Variants in SND1 observed in about 807,000 individuals in gnomAD.
SND1 encodes the protein staphylococcal nuclease domain-containing protein 1.
SND1 carries 38 observed loss-of-function variants against 121.7 expected under a neutral mutation model. That is an observed-to-expected ratio of 0.31 (90% confidence interval 0.24 to 0.41). The LOEUF is 0.41. Ranked by LOEUF, SND1 falls within the 10% of genes least tolerant of loss-of-function variation. The pLI is 1.00. For synonymous variants in SND1, 401 were observed against 447.4 expected, an observed-to-expected ratio of 0.90 and a Z score of 1.31; for missense variants, 868 against 1,184.6, an observed-to-expected ratio of 0.73 and a Z score of 3.92.
At chr7:127,871,357 A>C (rs1430334657) in intron 12 of SND1, among the ~76,000 whole-genome samples, 1 of 152,210 alleles carries the variant, frequency 6.6e-6, no homozygotes, top group South Asian at 2.1e-4. Flanking sequence ...TGTATGTGCT[A>C]TACATTTATA....
intron 15 of SND1, among the ~76,000 whole-genome samples, chr7:127,935,458 T>A (rs1206886183): frequency 2.6e-5 from 4 of 152,018 alleles, no homozygotes; most frequent in Admixed American, 2.6e-4. Flanking sequence ...TGAGAGATTA[T>A]CCTGGGGAAC....
At chr7:128,023,877 A>T (rs2116968482) in intron 16 of SND1, among the ~76,000 whole-genome samples, 1 of 152,184 alleles carries the variant, frequency 6.6e-6, no homozygotes, top group East Asian at 1.9e-4. Context: ...ATATATAATT[A>T]TATATGTAAA....
intron 15 of SND1, among the ~76,000 whole-genome samples, chr7:127,970,224 C>T (rs1314722276): frequency 6.6e-6 from 1 of 152,154 alleles, no homozygotes. Context: ...TTGGATAAAT[C>T]AGGTAACCTA....
At chr7:127,727,519 G>A (rs1197179352) in intron 10 of SND1, among the ~76,000 whole-genome samples, 1 of 152,194 alleles carries the variant, frequency 6.6e-6, no homozygotes, top group East Asian at 1.9e-4. Flanking sequence ...TGGGGTTAGA[G>A]ACCCTAAGTG....
chr7:127,924,645 G>A (rs779393416), intron 14 of SND1, among the ~76,000 whole-genome samples: 1 of 152,038 alleles, frequency 6.6e-6, no homozygotes, highest in Non-Finnish European at 1.5e-5. Flanking sequence ...CTGGGGTGGT[G>A]GTCTTTCAGA....
intron 15 of SND1, among the ~76,000 whole-genome samples, chr7:127,973,280 T>G (rs186416444): frequency 3.3e-5 from 5 of 152,306 alleles, no homozygotes; most frequent in Admixed American, 2.6e-4. Context: ...ATGAATTCAA[T>G]AGAAATGTCA....
intron 15 of SND1, among the ~76,000 whole-genome samples, chr7:127,981,600 T>C (rs1295637338): frequency 2.0e-5 from 3 of 152,200 alleles, no homozygotes. Context: ...TAAAAGGTTA[T>C]TCCCATGCTG....
chr7:127,888,141 A>G, intron 13 of SND1, 129 bp downstream of exon 13: 1 of 573,192 alleles, frequency 1.7e-6, no homozygotes, highest in South Asian at 2.3e-5. Flanking sequence ...TTATTATTCT[A>G]GATTTTCCCC....
At chr7:127,842,704 A>T (rs115655508) in intron 11 of SND1, among the ~76,000 whole-genome samples, 2 of 151,858 alleles carry the variant, frequency 1.3e-5, no homozygotes, top group East Asian at 3.9e-4. Flanking sequence ...TTTCAGAGAG[A>T]TGGGGGTCTT....
At chr7:127,858,910 A>G (rs932933003) in intron 12 of SND1, among the ~76,000 whole-genome samples, 3 of 152,148 alleles carry the variant, frequency 2.0e-5, no homozygotes, top group Non-Finnish European at 2.9e-5. Context: ...AATCTAGACT[A>G]TTACTTCAGT....
chr7:128,074,945 C>A (rs1793482336), intron 17 of SND1, among the ~76,000 whole-genome samples: 1 of 152,198 alleles, frequency 6.6e-6, no homozygotes, highest in Admixed American at 6.5e-5. Flanking sequence ...TGATCCCAGG[C>A]CTGCTCAGGT....
chr7:127,917,239 A>G (rs1800600584), intron 14 of SND1, among the ~76,000 whole-genome samples: 2 of 152,206 alleles, frequency 1.3e-5, no homozygotes, highest in Non-Finnish European at 2.9e-5. Flanking sequence ...GATTAATTCT[A>G]TATTTTCCTT....
chr7:127,966,577 A>C (rs2116878657), intron 15 of SND1, among the ~76,000 whole-genome samples: 1 of 76,922 alleles, frequency 1.3e-5, no homozygotes, highest in Non-Finnish European at 2.4e-5. Context: ...CTACATGGAA[A>C]CTGAACAACC....
intron 11 of SND1, among the ~76,000 whole-genome samples, chr7:127,825,676 G>T (rs1400152087): frequency 6.6e-6 from 1 of 152,032 alleles, no homozygotes; most frequent in Non-Finnish European, 1.5e-5. Context: ...CAAAGTGTGG[G>T]ATTACAGGCG....
chr7:127,653,596 G>T (rs1402625142), intron 1 of SND1, among the ~76,000 whole-genome samples: 1 of 152,118 alleles, frequency 6.6e-6, no homozygotes, highest in African/African-American at 2.4e-5. Flanking sequence ...ATTGCTTGAG[G>T]CCAGGAGTTG....
chr7:127,715,999 C>T (rs1362110799), intron 9 of SND1, among the ~76,000 whole-genome samples: 1 of 152,078 alleles, frequency 6.6e-6, no homozygotes, highest in African/African-American at 2.4e-5. Flanking sequence ...GTCTTTGCAC[C>T]CATCTCAAAA....
At chr7:127,718,671 C>CTGCTAACATAT in intron 9 of SND1, 1 of 985,352 alleles carries the variant, frequency 1.0e-6, no homozygotes, top group South Asian at 4.7e-5. Flanking sequence ...GCTGCCGTTG[C>CTGCTAACATAT]TGCTAACATA....
In SND1 at chr7:127,836,238, TAAG is replaced by T. The variant is rs1798866874; in HGVS notation, c.1243-8083_1243-8081del. On this transcript the variant is annotated intron_variant, in intron 11 of 23. Coordinates refer to ENST00000354725, the MANE Select transcript of SND1 (RefSeq NM_014390.4). Reference sequence around the variant, plus strand: ...CTCATTTTGTCAAAAATGTATCAAATAAGAACACTTTCTAAATGTGTTTATAAA... The same window carrying T: ...CTCATTTTGTCAAAAATGTATCAAATAACACTTTCTAAATGTGTTTATAAA... 9.2e-5 allele frequency among the ~76,000 whole-genome samples: 14 copies of T among 152,292 alleles called. No homozygotes were observed. In the South Asian group the frequency reaches 2.9e-3, roughly 32 times the overall value.
chr7:128,028,612 T>C, intron 16 of SND1: 1 of 1,451,860 alleles, frequency 6.9e-7, no homozygotes, highest in East Asian at 2.3e-5. Flanking sequence ...CTCTCCCCAC[T>C]CTGTACAAAA....
Sources: gnomAD v4.1 joint callset for allele counts (sites outside exome capture counted in the v4.1 genomes callset) on GRCh38, gnomAD v4.1.1 for gene constraint, MANE v1.5 for transcripts, NCBI Gene and HGNC (gene_info 2026-07-23, HGNC 2026-07-21) for gene names.